Variants in C19orf25 observed in about 807,000 individuals in gnomAD.
C19orf25 encodes the protein UPF0449 protein C19orf25.
C19orf25 carries 1 observed loss-of-function variant against 3.1 expected under a neutral mutation model. That is an observed-to-expected ratio of 0.32 (90% CI 0.12 to 1.54). The LOEUF is 1.54. Among genes scored for constraint, C19orf25 ranks in the 40% most tolerant of loss-of-function variants. C19orf25 has a pLI of 0.38. For missense variants in C19orf25, 196 were observed against 160.4 expected, an observed-to-expected ratio of 1.22 and a Z score of -1.20; for synonymous variants, 91 against 74.3, an observed-to-expected ratio of 1.23 and a Z score of -1.16.
chr19:1,474,809 G>C lies in C19orf25; in HGVS notation c.*223C>G, dbSNP rs538561543. ...CCTATCCTCTTCCAGAACCCCAGTGGGGCCCTCAGGTCACGCAGGACGGAG... is the reference window on the plus strand; with the variant it reads ...CCTATCCTCTTCCAGAACCCCAGTGCGGCCCTCAGGTCACGCAGGACGGAG... On this transcript the variant is annotated 3_prime_UTR_variant, in exon 3 of 3. Coordinates refer to ENST00000585675, the MANE Select transcript of C19orf25 (RefSeq NM_152482.3). The C allele has an allele frequency of 4.2e-4, 607 of 1,440,762 alleles. No homozygotes were observed. Among genetic ancestry groups the C allele is most frequent in the South Asian group, 7.2e-4 (50 of 69,454 alleles). The allele number at this position is 1,440,762 out of a possible 1,614,324, so 89.2% of individuals were successfully genotyped here. A position where few individuals can be genotyped will look rare whatever the true frequency, so the allele number is the denominator to read the frequency against.
chr19:1,478,845 A>AC lies in C19orf25; in HGVS notation c.58dup (p.Val20GlyfsTer69), dbSNP rs1224462092. The AC allele has an allele frequency of 6.3e-7, 1 of 1,595,192 alleles. No individual in the cohort carries two copies. ...CCGCACATCCTCCAGGATCTGCTCCACCGTGGGGGGCGCTGGGCGGGTGGG... is the reference window on the plus strand; with the variant it reads ...CCGCACATCCTCCAGGATCTGCTCCACCCGTGGGGGGCGCTGGGCGGGTGGG... On this transcript the variant is annotated frameshift_variant, in exon 2 of 3. Coordinates refer to ENST00000585675, the MANE Select transcript of C19orf25 (RefSeq NM_152482.3). LOFTEE classifies it high-confidence loss of function.
Position 1,475,277 on chromosome 19 carries a change from G to A in C19orf25, c.131-19C>T. 1 of 1,529,376 alleles carries A rather than the reference G, an allele frequency of 6.5e-7. No individual in the cohort carries two copies. The highest frequency in any genetic ancestry group is 1.2e-5 in the South Asian group (1 of 82,362). The allele number at this position is 1,529,376 out of a possible 1,614,324, so 94.7% of individuals were successfully genotyped here. A position where few individuals can be genotyped will look rare whatever the true frequency, so the allele number is the denominator to read the frequency against. On this transcript the variant is annotated intron_variant, in intron 2 of 2. Coordinates refer to ENST00000585675, the MANE Select transcript of C19orf25 (RefSeq NM_152482.3). ...GGGGGGTCTGAGACAGGACACAGCA[G>A]CATCACTGCCTGCTGACCACCCCAT...
In C19orf25 at chr19:1,474,878, G is replaced by A. The variant is rs753923485; in HGVS notation, c.*154C>T. ...CCAACTCGGCATGAATGAGACGACG[G>A]ATGAACCGCAGCCCCAGCATCAGGA... On this transcript the variant is annotated 3_prime_UTR_variant, in exon 3 of 3. Transcript: ENST00000585675. 1.5e-5 allele frequency: 22 copies of A among 1,500,078 alleles called. No individual in the cohort carries two copies. The South Asian group carries it at 2.4e-4, about 16-fold the overall frequency. 92.9% of individuals were successfully genotyped at this position (1,500,078 alleles called of 1,614,324 possible).
chr19:1,478,821 C>G lies in C19orf25; in HGVS notation c.83G>C (p.Arg28Pro). The G allele has an allele frequency of 6.3e-7, 1 of 1,591,808 alleles. No homozygotes were observed. ...CACTGGATCCTCTGCCGGCGCACCC[C>G]GCACATCCTCCAGGATCTGCTCCAC... ...PTVEQILEDV[R>P]GAPAEDPVFT... The change falls in exon 2 of 3, where the codon CGG becomes CCG. Residue 28 changes from arginine to proline, a missense_variant. Arg to Pro is a moderately radical substitution (Grantham distance 103, BLOSUM62 -2). Coordinates refer to ENST00000585675, the MANE Select transcript of C19orf25 (RefSeq NM_152482.3).
chr19:1,474,582 G>A lies in C19orf25; in HGVS notation c.*450C>T. ...GAAGTGGGGTCAGGGGCTCAGGCTG[G>A]CCCTCGGGCTGCTCTGACATTGGGT... On this transcript the variant is annotated 3_prime_UTR_variant, in exon 3 of 3. Coordinates refer to ENST00000585675, the MANE Select transcript of C19orf25 (RefSeq NM_152482.3). The A allele has an allele frequency of 2.4e-6, 1 of 424,434 alleles. No individual in the cohort carries two copies. Among genetic ancestry groups the A allele is most frequent in the Non-Finnish European group, 4.1e-6 (1 of 241,072 alleles). 26.3% of individuals were successfully genotyped at this position (424,434 alleles called of 1,614,324 possible).
intron 2 of C19orf25, 194 bp from the exon 3 acceptor site, chr19:1,475,452 G>A (rs532130919): frequency 8.2e-5 from 49 of 594,480 alleles, no homozygotes; most frequent in East Asian, 4.2e-4. Context: ...AGGCCGAGGC[G>A]GGAGGAACAC....
In C19orf25 at chr19:1,478,781, G is replaced by A. The variant is rs778962714; in HGVS notation, c.123C>T (p.Ala41=). The change falls in exon 2 of 3, where the codon GCC becomes GCT. Residue 41 remains alanine, a synonymous_variant. Transcript: ENST00000585675. ...PAEDPVFTIL[A]PEDPPVPFRM... The stretch of plus-strand genomic sequence containing the variant: ...GGACCGGGCTCCCCCTACCTTCCGG[G>A]GCCAGGATGGTGAACACTGGATCCT... 15 of 1,574,788 alleles carry A rather than the reference G, an allele frequency of 9.5e-6. No homozygotes were observed. The highest frequency in any genetic ancestry group is 1.0e-5 in the Non-Finnish European group (12 of 1,160,972).
In C19orf25 at chr19:1,476,171, G is replaced by A. The variant is rs2084203413; in HGVS notation, c.131-913C>T. On this transcript the variant is annotated intron_variant, in intron 2 of 2. Coordinates refer to ENST00000585675, the MANE Select transcript of C19orf25 (RefSeq NM_152482.3). The stretch of plus-strand genomic sequence containing the variant: ...AGGGCTGAAGCAGCACCGACTTCAG[G>A]GTCACTCAGAGAAGCGTCAGGGGCC... The A allele has an allele frequency of 1.5e-5, 6 of 398,838 alleles. No homozygotes were observed. The East Asian group carries it at 1.8e-4, about 12-fold the overall frequency. The allele number at this position is 398,838 out of a possible 1,614,324, so 24.7% of individuals were successfully genotyped here. A position where few individuals can be genotyped will look rare whatever the true frequency, so the allele number is the denominator to read the frequency against.
At chr19:1,475,294 C>T (rs1268244137) in intron 2 of C19orf25, 36 bp from the exon 3 acceptor site, 1 of 1,511,336 alleles carries the variant, frequency 6.6e-7, no homozygotes, top group East Asian at 2.5e-5. Flanking sequence ...TGCCTGCTGA[C>T]CACCCCATCC....
At chr19:1,478,135 G>C (rs1046580158) in intron 2 of C19orf25, among the ~76,000 whole-genome samples, 3 of 151,958 alleles carry the variant, frequency 2.0e-5, no homozygotes, top group East Asian at 1.9e-4. Flanking sequence ...CCACCGCACC[G>C]GCCACTTATT....
At chr19:1,478,448 A>T in intron 2 of C19orf25, 1 of 579,114 alleles carries the variant, frequency 1.7e-6, no homozygotes, top group Non-Finnish European at 2.6e-6. Flanking sequence ...TTGTTTTTTC[A>T]TTTTTAGCAG....
In C19orf25 at chr19:1,474,739, G is replaced by T; in HGVS notation, c.*293C>A. On this transcript the variant is annotated 3_prime_UTR_variant, in exon 3 of 3. Coordinates refer to ENST00000585675, the MANE Select transcript of C19orf25 (RefSeq NM_152482.3). ...TCCCAGGGGCCCCACTGCAGAGCACGGCCACTGTGAGCTGACGACAGAATC... is the reference window on the plus strand; with the variant it reads ...TCCCAGGGGCCCCACTGCAGAGCACTGCCACTGTGAGCTGACGACAGAATC... The T allele has an allele frequency of 7.2e-7, 1 of 1,394,236 alleles. No individual in the cohort carries two copies. The highest frequency in any genetic ancestry group is 1.6e-5 in the South Asian group (1 of 64,508). The allele number at this position is 1,394,236 out of a possible 1,614,324, so 86.4% of individuals were successfully genotyped here.
chr19:1,478,488 G>A (rs2084229155), intron 2 of C19orf25: 3 of 829,096 alleles, frequency 3.6e-6, no homozygotes, highest in Non-Finnish European at 5.0e-6. Flanking sequence ...TGGCCAGGCT[G>A]GTCTCGAACT....
At chr19:1,478,120 G>A (rs1196865508) in intron 2 of C19orf25, among the ~76,000 whole-genome samples, 2 of 152,126 alleles carry the variant, frequency 1.3e-5, no homozygotes, top group East Asian at 1.9e-4. Flanking sequence ...GATTATAGGC[G>A]TGAGCCACCG....
chr19:1,478,612 A>C, intron 2 of C19orf25, 162 bp downstream of exon 2: 1 of 1,411,072 alleles, frequency 7.1e-7, no homozygotes. Context: ...AATCGGTCCC[A>C]CTCTACGGAG....
At chr19:1,475,425 T>C in intron 2 of C19orf25, 167 bp from the exon 3 acceptor site, 1 of 680,824 alleles carries the variant, frequency 1.5e-6, no homozygotes, top group Non-Finnish European at 2.4e-6. Flanking sequence ...CTCACGCCTG[T>C]AATCCAGCAC....
rs561720306 is a variant in C19orf25 at position 1,473,353 on chromosome 19, G to C, written c.*1679C>G. 3 of 152,270 alleles carry C rather than the reference G, an allele frequency of 2.0e-5. No homozygotes were observed. The highest frequency in any genetic ancestry group is 2.9e-5 in the Non-Finnish European group (2 of 68,074). 9.4% of individuals were successfully genotyped at this position (152,270 alleles called of 1,614,324 possible). On this transcript the variant is annotated 3_prime_UTR_variant, in exon 3 of 3. Transcript: ENST00000585675. The stretch of plus-strand genomic sequence containing the variant: ...CCCCCAGGTTAGATCCCTGGAAGCA[G>C]AGCCAGAAAGCAGAAACTGGGGGCA...
chr19:1,478,709 T>A, intron 2 of C19orf25, 65 bp downstream of exon 2: 2 of 1,532,172 alleles, frequency 1.3e-6, no homozygotes, highest in Admixed American at 4.1e-5. Flanking sequence ...GGGGTGTGCT[T>A]CTCTCCCGTC....
Position 1,478,806 on chromosome 19 carries a change from T to C in C19orf25, c.98A>G (p.Glu33Gly), listed in dbSNP as rs568696732. The change falls in exon 2 of 3, where the codon GAG becomes GGG. Residue 33 changes from glutamate (E) to glycine (G), a missense_variant. Transcript: ENST00000585675. ...ILEDVRGAPA[E>G]DPVFTILAPE... ...GGCCAGGATGGTGAACACTGGATCC[T>C]CTGCCGGCGCACCCCGCACATCCTC... 1 of 1,584,818 alleles carries C rather than the reference T, an allele frequency of 6.3e-7. No individual in the cohort carries two copies. Among genetic ancestry groups the C allele is most frequent in the East Asian group, 2.3e-5 (1 of 43,100 alleles).
Sources: allele counts gnomAD v4.1 joint callset (sites outside exome capture counted in the v4.1 genomes callset), GRCh38; gene constraint gnomAD v4.1.1; transcripts MANE v1.5; gene names NCBI Gene and HGNC (gene_info 2026-07-23, HGNC 2026-07-21).